SUGCT: variants seen among roughly 807,000 people sequenced by gnomAD.
SUGCT encodes succinyl-CoA:glutarate-CoA transferase.
A neutral mutation model predicts 55.0 loss-of-function variants in SUGCT; 41 were observed. That is an observed-to-expected ratio of 0.74 (90% CI 0.58 to 0.97). SUGCT has a LOEUF of 0.97. Ranked by LOEUF, SUGCT falls within the 50% of genes least tolerant of loss-of-function variation. The pLI is 0.00. For missense variants in SUGCT, 568 were observed against 547.8 expected (o/e 1.04, Z -0.37); for synonymous variants, 187 against 200.4 (o/e 0.93, Z 0.56).
intron 7 of SUGCT, among the ~76,000 whole-genome samples, chr7:40,245,767 G>T (rs1301140811): frequency 6.6e-6 from 1 of 151,890 alleles, no homozygotes; most frequent in African/African-American, 2.4e-5. Flanking sequence ...GGGCATGTAA[G>T]ATTTTTTGAT....
the SUGCT span, among the ~76,000 whole-genome samples, chr7:40,870,316 T>A: frequency 6.6e-6 from 1 of 152,026 alleles, no homozygotes; most frequent in African/African-American, 2.4e-5. Context: ...CCTTGGCCAA[T>A]GGTCATTTCT....
Position 40,785,892 on chromosome 7 carries a change from G to A in SUGCT, c.1153+36395G>A, listed in dbSNP as rs1329391032. On this transcript the variant is annotated intron_variant, in intron 13 of 13. Transcript: ENST00000335693. ...CACTTGAGCCCAGCAGTTCAAGACC[G>A]GCCTGGGCAACATAGTGAGACCTTG... Among the ~76,000 whole-genome samples, 8 of 151,968 alleles carry A rather than the reference G, an allele frequency of 5.3e-5. No homozygotes were observed. The South Asian group carries it at 6.2e-4, about 12-fold the overall frequency.
intron 6 of SUGCT, among the ~76,000 whole-genome samples, chr7:40,208,802 C>G (rs1480555911): frequency 6.6e-6 from 1 of 152,196 alleles, no homozygotes; most frequent in African/African-American, 2.4e-5. Context: ...GCCTCAGACT[C>G]CCAAAGTGCT....
chr7:40,455,076 C>T (rs1433144713), intron 10 of SUGCT, among the ~76,000 whole-genome samples: 1 of 151,812 alleles, frequency 6.6e-6, no homozygotes, highest in African/African-American at 2.4e-5. Flanking sequence ...CAGATAAATA[C>T]AACATAAAAT....
At chr7:40,222,678 C>A (rs1788082590) in intron 6 of SUGCT, among the ~76,000 whole-genome samples, 1 of 152,150 alleles carries the variant, frequency 6.6e-6, no homozygotes, top group African/African-American at 2.4e-5. Flanking sequence ...TCTATCTTTA[C>A]TAAAAATACA....
At chr7:40,311,136 G>C (rs1795125360) in intron 8 of SUGCT, among the ~76,000 whole-genome samples, 1 of 152,158 alleles carries the variant, frequency 6.6e-6, no homozygotes, top group African/African-American at 2.4e-5. Context: ...TGGGAGTTAA[G>C]TTTGGTTTCT....
the SUGCT span, chr7:40,979,595 T>C: frequency 6.6e-6 from 1 of 152,214 alleles, no homozygotes; most frequent in Non-Finnish European, 1.5e-5. Flanking sequence ...GGTCAAGTCA[T>C]GTAGAAATGG....
chr7:40,567,322 T>C (rs927098331), intron 12 of SUGCT, among the ~76,000 whole-genome samples: 29 of 152,340 alleles, frequency 1.9e-4, no homozygotes, highest in African/African-American at 6.5e-4. Context: ...ATTAAAAGTA[T>C]GTGTTTGTTT....
intron 11 of SUGCT, among the ~76,000 whole-genome samples, chr7:40,475,467 A>G (rs1790614451): frequency 6.6e-6 from 1 of 152,228 alleles, no homozygotes; most frequent in African/African-American, 2.4e-5. Flanking sequence ...TCCATAGTAT[A>G]TCCCTCATAT....
At chr7:40,340,026 A>G (rs1796959621) in intron 9 of SUGCT, among the ~76,000 whole-genome samples, 1 of 152,206 alleles carries the variant, frequency 6.6e-6, no homozygotes, top group South Asian at 2.1e-4. Flanking sequence ...GGATATCAGG[A>G]GCTTCTTAGA....
the SUGCT span, among the ~76,000 whole-genome samples, chr7:40,970,387 G>C: frequency 6.6e-6 from 1 of 152,152 alleles, no homozygotes; most frequent in Non-Finnish European, 1.5e-5. Flanking sequence ...AGCCAGGCTG[G>C]TCTTGAACTT....
intron 9 of SUGCT, among the ~76,000 whole-genome samples, chr7:40,364,215 C>T (rs1182335202): frequency 1.3e-5 from 2 of 152,044 alleles, no homozygotes; most frequent in African/African-American, 2.4e-5. Flanking sequence ...TGTCTCTGCA[C>T]GTGAGATGGG....
intron 13 of SUGCT, among the ~76,000 whole-genome samples, chr7:40,764,274 T>TA (rs1788670524): frequency 6.6e-6 from 1 of 152,176 alleles, no homozygotes; most frequent in Non-Finnish European, 1.5e-5. Context: ...GTTCCTTGAG[T>TA]AGAGAGAATG....
At chr7:40,574,826 C>T (rs1046508087) in intron 12 of SUGCT, among the ~76,000 whole-genome samples, 4 of 152,190 alleles carry the variant, frequency 2.6e-5, no homozygotes, top group Non-Finnish European at 4.4e-5. Flanking sequence ...TACAAATAAC[C>T]GTAGGACTTG....
At chr7:40,981,241 GTCCTTTTT>G in the SUGCT span, among the ~76,000 whole-genome samples, 1 of 152,110 alleles carries the variant, frequency 6.6e-6, no homozygotes, top group African/African-American at 2.4e-5. Flanking sequence ...TGGCTCTGGG[GTCCTTTTT>G]TCCTTTTCTT....
At chr7:40,355,746 G>A (rs1797855893) in intron 9 of SUGCT, among the ~76,000 whole-genome samples, 1 of 152,202 alleles carries the variant, frequency 6.6e-6, no homozygotes, top group South Asian at 2.1e-4. Flanking sequence ...TGTAAAATTA[G>A]TGTTCCCTAT....
At chr7:40,324,749 C>A (rs926350671) in intron 9 of SUGCT, among the ~76,000 whole-genome samples, 3 of 152,084 alleles carry the variant, frequency 2.0e-5, no homozygotes, top group African/African-American at 7.2e-5. Context: ...CAATGGGAGA[C>A]CCCAGGAGTT....
At chr7:40,477,797 A>T (rs947096895) in intron 11 of SUGCT, among the ~76,000 whole-genome samples, 3 of 152,186 alleles carry the variant, frequency 2.0e-5, no homozygotes, top group African/African-American at 7.2e-5. Flanking sequence ...GTAGGCTTGT[A>T]TATTCTGGCG....
At chr7:40,871,368 A>G in the SUGCT span, among the ~76,000 whole-genome samples, 2 of 152,084 alleles carry the variant, frequency 1.3e-5, no homozygotes, top group Non-Finnish European at 2.9e-5. Context: ...GTGGAGAGAG[A>G]GGGGGGCCAT....
Sources: gnomAD v4.1 joint callset for allele counts (sites outside exome capture counted in the v4.1 genomes callset) on GRCh38, gnomAD v4.1.1 for gene constraint, MANE v1.5 for transcripts, NCBI Gene and HGNC (gene_info 2026-07-23, HGNC 2026-07-21) for gene names.